Variants in SPOCK3 observed in about 807,000 individuals in gnomAD.
SPOCK3 encodes SPARC (osteonectin), cwcv and kazal like domains proteoglycan 3.
A neutral mutation model predicts 56.6 loss-of-function variants in SPOCK3; 30 were observed. That is an observed-to-expected ratio of 0.53 (90% confidence interval 0.40 to 0.72). SPOCK3 has a LOEUF of 0.72. Ranked by LOEUF, SPOCK3 falls within the 30% of genes least tolerant of loss-of-function variation. The pLI, the probability that SPOCK3 is intolerant of heterozygous loss-of-function variation, is 0.00. For synonymous variants in SPOCK3, 196 were observed against 183.3 expected, an observed-to-expected ratio of 1.07 and a Z score of -0.56; for missense variants, 527 against 530.0, an observed-to-expected ratio of 0.99 and a Z score of 0.06.
intron 4 of SPOCK3, among the ~76,000 whole-genome samples, chr4:166,960,607 T>C (rs1002579169): frequency 2.6e-5 from 4 of 152,158 alleles, no homozygotes; most frequent in African/African-American, 4.8e-5. Flanking sequence ...AGTGTGACAA[T>C]TGGGTTTGGA....
At chr4:166,966,858 T>C (rs766065259) in intron 4 of SPOCK3, among the ~76,000 whole-genome samples, 1 of 152,126 alleles carries the variant, frequency 6.6e-6, no homozygotes, top group Non-Finnish European at 1.5e-5. Flanking sequence ...GACACTGTTA[T>C]AGTGATAAAT....
chr4:167,089,158 CAT>C (rs551388028), intron 2 of SPOCK3, among the ~76,000 whole-genome samples: 1 of 151,516 alleles, frequency 6.6e-6, no homozygotes, highest in Admixed American at 6.6e-5. Flanking sequence ...TGTGTGTGTA[CAT>C]ATATATATAA....
At position 166,922,167 on chromosome 4, in the gene SPOCK3, C is replaced by T. The variant is rs553079725; in HGVS notation, c.351-9424G>A. ...AGGTGAAACAGTTTCATACCCAAACCATCTCCCACTCCCCTGTAAACCAGT... is the reference window on the plus strand; with the variant it reads ...AGGTGAAACAGTTTCATACCCAAACTATCTCCCACTCCCCTGTAAACCAGT... On this transcript the variant is annotated intron_variant, in intron 4 of 10. Transcript: ENST00000357545. Among the ~76,000 whole-genome samples the T allele has an allele frequency of 2.6e-4, 39 of 152,226 alleles. 3 individuals are homozygous for T. In the South Asian group the frequency reaches 8.1e-3, roughly 32 times the overall value.
chr4:167,197,287 T>C (rs1198445167), intron 2 of SPOCK3, among the ~76,000 whole-genome samples: 1 of 152,190 alleles, frequency 6.6e-6, no homozygotes, highest in Admixed American at 6.5e-5. Flanking sequence ...CACAGTTGTA[T>C]AAATTCACCA....
intron 2 of SPOCK3, among the ~76,000 whole-genome samples, chr4:167,180,230 T>C (rs1731331098): frequency 1.3e-5 from 2 of 152,162 alleles, no homozygotes; most frequent in African/African-American, 4.8e-5. Flanking sequence ...AAAACCCTGC[T>C]CTGGAATGCT....
chr4:167,077,475 A>C (rs1334027723), intron 2 of SPOCK3, among the ~76,000 whole-genome samples: 2 of 151,958 alleles, frequency 1.3e-5, no homozygotes, highest in Non-Finnish European at 2.9e-5. Context: ...TTAAGAGAAC[A>C]AGATTCCCTT....
chr4:167,095,911 A>T (rs1363368505), intron 2 of SPOCK3, among the ~76,000 whole-genome samples: 1 of 151,960 alleles, frequency 6.6e-6, no homozygotes, highest in Non-Finnish European at 1.5e-5. Context: ...GAATGCAAGG[A>T]AACACAGCAT....
chr4:167,054,308 G>A (rs888422118), intron 3 of SPOCK3, among the ~76,000 whole-genome samples: 2 of 152,082 alleles, frequency 1.3e-5, no homozygotes, highest in African/African-American at 4.8e-5. Context: ...GGAAAGATGT[G>A]AATATTTATT....
chr4:166,918,253 T>C (rs1299595447), intron 4 of SPOCK3: 1 of 152,222 alleles, frequency 6.6e-6, no homozygotes, highest in Non-Finnish European at 1.5e-5. Flanking sequence ...ACATGGAACT[T>C]ACTAAATCTA....
At chr4:167,139,610 T>A (rs1404291206) in intron 2 of SPOCK3, among the ~76,000 whole-genome samples, 1 of 152,052 alleles carries the variant, frequency 6.6e-6, no homozygotes, top group East Asian at 1.9e-4. Context: ...AATTGGAGGA[T>A]GTGGCTATGA....
At chr4:167,050,580 A>G (rs1040934297) in intron 3 of SPOCK3, among the ~76,000 whole-genome samples, 22 of 152,154 alleles carry the variant, frequency 1.4e-4, no homozygotes, top group Admixed American at 9.2e-4. Flanking sequence ...CAGAGACCCA[A>G]ACATATTTAG....
intron 2 of SPOCK3, among the ~76,000 whole-genome samples, chr4:167,190,648 G>A (rs1044938937): frequency 2.1e-5 from 3 of 145,244 alleles, no homozygotes; most frequent in African/African-American, 7.9e-5. Context: ...TGCTTTTGTT[G>A]CCTGTGCTTT....
At chr4:166,875,584 C>A (rs1189279472) in intron 6 of SPOCK3, among the ~76,000 whole-genome samples, 2 of 152,086 alleles carry the variant, frequency 1.3e-5, no homozygotes, top group East Asian at 3.9e-4. Context: ...TACCCACACC[C>A]TCTTTAAGAA....
intron 2 of SPOCK3, among the ~76,000 whole-genome samples, chr4:167,145,015 T>G (rs1238992299): frequency 2.6e-5 from 4 of 151,794 alleles, no homozygotes; most frequent in African/African-American, 9.7e-5. Context: ...AAAAAAAAAC[T>G]GTAACACAGC....
At chr4:166,894,982 T>C (rs1735215304) in intron 5 of SPOCK3, among the ~76,000 whole-genome samples, 1 of 152,110 alleles carries the variant, frequency 6.6e-6, no homozygotes, top group African/African-American at 2.4e-5. Flanking sequence ...ATCCTAAACT[T>C]CAAAATGTAA....
chr4:166,782,556 A>G (rs1489719685), intron 7 of SPOCK3, among the ~76,000 whole-genome samples: 1 of 152,174 alleles, frequency 6.6e-6, no homozygotes, highest in African/African-American at 2.4e-5. Flanking sequence ...TCTGGGCCAT[A>G]AAACAGACCT....
intron 7 of SPOCK3, among the ~76,000 whole-genome samples, chr4:166,789,326 G>A (rs182002527): frequency 1.3e-5 from 2 of 152,076 alleles, no homozygotes; most frequent in Non-Finnish European, 2.9e-5. Flanking sequence ...CTACTCGAGA[G>A]GTTAAGGTAG....
chr4:166,944,108 C>G (rs1168206682), intron 4 of SPOCK3, among the ~76,000 whole-genome samples: 1 of 152,160 alleles, frequency 6.6e-6, no homozygotes, highest in Non-Finnish European at 1.5e-5. Context: ...GTTTGCGCCA[C>G]TTCACTCCAG....
intron 4 of SPOCK3, among the ~76,000 whole-genome samples, chr4:166,927,950 T>A (rs1739303800): frequency 6.6e-6 from 1 of 152,172 alleles, no homozygotes; most frequent in African/African-American, 2.4e-5. Flanking sequence ...AAAGATGATA[T>A]GCATACGGCA....
Sources: allele counts gnomAD v4.1 joint callset (sites outside exome capture counted in the v4.1 genomes callset), GRCh38; gene constraint gnomAD v4.1.1; transcripts MANE v1.5; gene names NCBI Gene and HGNC (gene_info 2026-07-23, HGNC 2026-07-21).